SEC14L5: variants seen among roughly 807,000 people sequenced by gnomAD.
The protein encoded by SEC14L5 is SEC14-like protein 5.
In SEC14L5, 96 loss-of-function variants were observed where a neutral mutation model predicts 84.6. The ratio of observed to expected loss-of-function variants is 1.13; its 90% CI spans 0.96 to 1.34. The LOEUF is 1.34. SEC14L5 is among the 40% of genes most tolerant of loss of function. The pLI is 0.00. For synonymous variants in SEC14L5, 546 were observed against 383.4 expected, an observed-to-expected ratio of 1.42 and a Z score of -4.95; for missense variants, 1,224 against 942.5, an observed-to-expected ratio of 1.30 and a Z score of -3.91.
At chr16:5,001,316 C>T (rs1441815701) in intron 10 of SEC14L5, among the ~76,000 whole-genome samples, 6 of 148,414 alleles carry the variant, frequency 4.0e-5, no homozygotes, top group Admixed American at 6.8e-5. Context: ...TGGAGTGCAG[C>T]GGTGCAATCT....
At chr16:5,013,464 G>A (rs1955831335) in intron 15 of SEC14L5, among the ~76,000 whole-genome samples, 2 of 150,422 alleles carry the variant, frequency 1.3e-5, no homozygotes, top group African/African-American at 4.9e-5. Context: ...CTAGCTTACT[G>A]TAGCCTTGAA....
At position 5,014,797 on chromosome 16, in the gene SEC14L5, G is replaced by A; in HGVS notation, c.1980-62G>A. On this transcript the variant is annotated intron_variant, in intron 15 of 15. Transcript: ENST00000251170. ...GCATCAACAGCTTTTCCACTGCTGT[G>A]TGTCAGCCCAAGGGCCTTGTCACTG... 12 of 1,303,370 alleles carry A rather than the reference G, an allele frequency of 9.2e-6. 1 individual carries two copies. Among genetic ancestry groups the A allele is most frequent in the East Asian group, 2.3e-5 (1 of 43,214 alleles). The allele number at this position is 1,303,370 out of a possible 1,614,324, so 80.7% of individuals were successfully genotyped here. A position where few individuals can be genotyped will look rare whatever the true frequency, so the allele number is the denominator to read the frequency against.
At chr16:4,962,111 G>C (rs1427917710) in intron 2 of SEC14L5, among the ~76,000 whole-genome samples, 3 of 142,420 alleles carry the variant, frequency 2.1e-5, no homozygotes, top group Non-Finnish European at 4.5e-5. Flanking sequence ...AATAAGACAG[G>C]ACTGGACACA....
chr16:4,987,523 C>T, intron 2 of SEC14L5, 34 bp from the exon 3 acceptor site: 1 of 1,506,086 alleles, frequency 6.6e-7, no homozygotes, highest in Non-Finnish European at 8.9e-7. Context: ...TCTGCCCCCC[C>T]CACCACGGCC....
rs535678631 is a variant in SEC14L5, at chr16:5,008,786, G to A, written c.1800+138G>A. ...CAGGGACCCTGCAGGACAGGGCAGA[G>A]GAAAGACACACAGGGTCTCATGTAA... is the stretch of plus-strand genomic sequence containing the variant. On this transcript the variant is annotated intron_variant, in intron 14 of 15. Transcript: ENST00000251170. 2.2e-5 allele frequency: 16 copies of A among 737,696 alleles called. No homozygotes were observed. In the East Asian group the frequency reaches 4.5e-4, roughly 21 times the overall value. The allele number at this position is 737,696 out of a possible 1,614,324, so 45.7% of individuals were successfully genotyped here. A position where few individuals can be genotyped will look rare whatever the true frequency, so the allele number is the denominator to read the frequency against.
intron 2 of SEC14L5, among the ~76,000 whole-genome samples, chr16:4,971,190 C>T (rs1362650425): frequency 6.6e-6 from 1 of 151,916 alleles, no homozygotes. Context: ...GGGGCGGTGG[C>T]TTACGCCTAT....
intron 2 of SEC14L5, among the ~76,000 whole-genome samples, chr16:4,961,288 A>G (rs1206371011): frequency 7.1e-6 from 1 of 140,532 alleles, no homozygotes; most frequent in African/African-American, 2.5e-5. Context: ...CAACAACAGC[A>G]ACAACAACAA....
chr16:5,006,090 G>A, intron 12 of SEC14L5, 42 bp downstream of exon 12: 1 of 1,604,264 alleles, frequency 6.2e-7, no homozygotes, highest in Non-Finnish European at 8.5e-7. Flanking sequence ...GCTTGAGGAG[G>A]GGGCATGCCT....
chr16:4,992,984 T>G (rs2142508758), intron 6 of SEC14L5, among the ~76,000 whole-genome samples: 1 of 152,310 alleles, frequency 6.6e-6, no homozygotes, highest in African/African-American at 2.4e-5. Flanking sequence ...TCAGTGCCTA[T>G]GTCTTCTTTT....
At chr16:4,958,699 C>T (rs1363040227) in intron 1 of SEC14L5, among the ~76,000 whole-genome samples, 2 of 152,110 alleles carry the variant, frequency 1.3e-5, no homozygotes, top group African/African-American at 4.8e-5. Flanking sequence ...TGGAGCTGGG[C>T]AGGTGCGTGT....
intron 6 of SEC14L5, among the ~76,000 whole-genome samples, chr16:4,992,260 T>G (rs936327954): frequency 2.6e-5 from 4 of 152,082 alleles, no homozygotes; most frequent in African/African-American, 9.7e-5. Flanking sequence ...TTCTTTTCTT[T>G]TCTTTTTTGA....
intron 2 of SEC14L5, among the ~76,000 whole-genome samples, chr16:4,964,455 G>T (rs928545979): frequency 1.3e-5 from 2 of 151,994 alleles, no homozygotes; most frequent in South Asian, 4.1e-4. Context: ...GTGTGGTGGT[G>T]CATGCTTGTA....
intron 2 of SEC14L5, among the ~76,000 whole-genome samples, chr16:4,976,590 C>T (rs12923028): frequency 0.13 from 19,433 of 152,174 alleles, 1,828 homozygotes; most frequent in East Asian, 0.5. Flanking sequence ...GAATTCAGGG[C>T]TATTTAGCTC....
intron 10 of SEC14L5, among the ~76,000 whole-genome samples, chr16:5,002,532 G>T (rs1320737335): frequency 1.3e-5 from 2 of 152,044 alleles, no homozygotes; most frequent in African/African-American, 4.8e-5. Context: ...ATTTTCTAAG[G>T]ACACGTATGT....
intron 2 of SEC14L5, among the ~76,000 whole-genome samples, chr16:4,966,844 G>A (rs1412394900): frequency 6.6e-6 from 1 of 152,200 alleles, no homozygotes; most frequent in Non-Finnish European, 1.5e-5. Context: ...TCCCAGCGGA[G>A]GCAGTTACCA....
chr16:4,975,076 C>G (rs1314553836), intron 2 of SEC14L5, among the ~76,000 whole-genome samples: 1 of 152,112 alleles, frequency 6.6e-6, no homozygotes, highest in African/African-American at 2.4e-5. Flanking sequence ...CCGCGCCCAG[C>G]TTGCGTCCTC....
intron 13 of SEC14L5, among the ~76,000 whole-genome samples, chr16:5,007,899 C>T (rs1336489116): frequency 2.1e-5 from 3 of 146,206 alleles, no homozygotes; most frequent in Non-Finnish European, 4.5e-5. Flanking sequence ...AGCCACGGCG[C>T]CTGGCCTCTT....
Position 4,988,187 on chromosome 16 carries a change from C to G in SEC14L5, c.252C>G (p.Asn84Lys). The G allele has an allele frequency of 6.3e-7, 1 of 1,598,606 alleles. No individual in the cohort carries two copies. Residue 84 changes from asparagine (N) to lysine (K), a missense_variant, in exon 4 of 16, where the codon AAC (asparagine) becomes AAG (lysine). Asn to Lys is a moderately conservative substitution (Grantham distance 94). Transcript: ENST00000251170. ...AGCACGTGGTCTTCGTGCAGACAAA[C>G]ATCTTGAACTGGAAGGAGAGGACGC... ...GVEHVVFVQT[N>K]ILNWKERTLL...
chr16:4,995,226 G>A (rs1377490754), intron 6 of SEC14L5, among the ~76,000 whole-genome samples: 3 of 152,174 alleles, frequency 2.0e-5, no homozygotes, highest in East Asian at 1.9e-4. Context: ...TTTGTGTGAC[G>A]TCTCCGCCCA....
Sources: gnomAD v4.1 joint callset for allele counts (sites outside exome capture counted in the v4.1 genomes callset) on GRCh38, gnomAD v4.1.1 for gene constraint, MANE v1.5 for transcripts, NCBI Gene and HGNC (gene_info 2026-07-23, HGNC 2026-07-21) for gene names.